The following CC2D1B variants were observed in gnomAD, a reference collection of about 807,000 sequenced individuals.
CC2D1B encodes coiled-coil and C2 domain containing 1B, also known as coiled-coil and C2 domain-containing protein 1B.
CC2D1B carries 92 observed loss-of-function variants against 110.8 expected under a neutral mutation model. The ratio of observed to expected loss-of-function variants is 0.83; its 90% CI spans 0.70 to 0.99. The LOEUF (loss-of-function observed/expected upper bound fraction) is 0.99, where lower values mean the gene tolerates loss of function less well. Among genes scored for constraint, CC2D1B ranks in the 50% least tolerant of loss-of-function variants. The probability of loss-of-function intolerance (pLI) is 0.00; values close to 1 mark genes in which losing one functional copy is unlikely to be tolerated. For synonymous variants in CC2D1B, 406 were observed against 429.2 expected (o/e 0.95, Z 0.67); for missense variants, 1,136 against 1,089.0 (o/e 1.04, Z -0.61).
intron 11 of CC2D1B, 118 bp from the exon 12 acceptor site, chr1:52,358,876 GA>G (rs1358961596): frequency 4.2e-6 from 6 of 1,423,932 alleles, no homozygotes; most frequent in Non-Finnish European, 5.7e-6. Context: ...AGCCCTGGGA[GA>G]AAAAAAGATC....
At chr1:52,364,530 C>T (rs773635756) in intron 2 of CC2D1B, 22 bp downstream of exon 2, 5 of 1,565,538 alleles carry the variant, frequency 3.2e-6, no homozygotes, top group Admixed American at 3.4e-5. Context: ...GACCCAGTAG[C>T]CTAGAAGGCT....
rs1309523591 is a variant in CC2D1B, at chr1:52,356,191, A to G, written c.2049T>C (p.Thr683=). Residue 683 remains threonine (T), a synonymous_variant, in exon 18 of 25, where the codon ACT becomes ACC. Transcript: ENST00000284376. Reference sequence around the variant, plus strand: ...GTTTCCCTAGGCCTTGGTACCTCACAGTCTGGAATGTCTTCAACTCAAAGT... The same window carrying G: ...GTTTCCCTAGGCCTTGGTACCTCACGGTCTGGAATGTCTTCAACTCAAAGT... ...THHFELKTFQ[T]VRIFSELNST... is the part of the protein sequence containing the mutation. 7.0e-7 allele frequency: 1 copy of G among 1,436,644 alleles called. No homozygotes were observed. The allele number at this position is 1,436,644 out of a possible 1,614,324, so 89.0% of individuals were successfully genotyped here. A position where few individuals can be genotyped will look rare whatever the true frequency, so the allele number is the denominator to read the frequency against.
Position 52,357,067 on chromosome 1 carries a change from C to G in CC2D1B, c.1812G>C (p.Leu604=). Residue 604 remains leucine, a synonymous_variant, in exon 16 of 25, where the codon CTG becomes CTC. Transcript: ENST00000284376. ...CCTCCTCCGCCTTCTGGGAGAGTCG[C>G]AGGTCCTCATGGTGGATGAGGATGA... ...GDFILIHHED[L]RLSQKAEEVY... The G allele has an allele frequency of 6.2e-7, 1 of 1,610,482 alleles. No homozygotes were observed. The highest frequency in any genetic ancestry group is 8.5e-7 in the Non-Finnish European group (1 of 1,178,480).
At chr1:52,360,310 C>A in intron 6 of CC2D1B, 77 bp from the exon 7 acceptor site, 1 of 1,593,696 alleles carries the variant, frequency 6.3e-7, no homozygotes, top group Non-Finnish European at 8.5e-7. Context: ...CCAGGGGTGG[C>A]CCCCCAACCC....
In CC2D1B at chr1:52,355,391, C is replaced by T. The variant is rs1188220060; in HGVS notation, c.2239+7G>A. On this transcript the variant is annotated splice_region_variant and intron_variant, in intron 21 of 24. Transcript: ENST00000284376. The stretch of plus-strand genomic sequence containing the variant: ...GGAGGAGAAAGAGGCCCACGTGTGG[C>T]CCTCACCTGGAGAGTTTGTGTTCTT... The T allele has an allele frequency of 1.2e-6, 2 of 1,613,630 alleles. No individual in the cohort carries two copies. The highest frequency in any genetic ancestry group is 2.7e-5 in the African/African-American group (2 of 75,030).
chr1:52,352,819 C>T lies in CC2D1B; in HGVS notation c.*406G>A, dbSNP rs1014498029. ...ACCCTCAGCAGGGGAGGTTCCCGAT[C>T]ACCCTCAAGTTCTCCCATCCCATAG... On this transcript the variant is annotated 3_prime_UTR_variant, in exon 25 of 25. Transcript: ENST00000284376. 6.3e-6 allele frequency: 1 copy of T among 158,800 alleles called. No homozygotes were observed. Among genetic ancestry groups the T allele is most frequent in the African/African-American group, 2.4e-5 (1 of 41,576 alleles). The allele number at this position is 158,800 out of a possible 1,614,324, so 9.8% of individuals were successfully genotyped here.
chr1:52,360,966 G>A lies in CC2D1B; in HGVS notation c.477+8C>T, dbSNP rs1646768776. 4 of 1,613,902 alleles carry A rather than the reference G, an allele frequency of 2.5e-6. No homozygotes were observed. Among genetic ancestry groups the A allele is most frequent in the South Asian group, 1.1e-5 (1 of 91,064 alleles). ...TCAGAGGCACAGGGGCCCTCCTCCA[G>A]AACCCACCTGAGCTGCTGGGGCTGA... On this transcript the variant is annotated splice_region_variant and intron_variant, in intron 5 of 24. Transcript: ENST00000284376.
At chr1:52,365,371 CTCCTCCTTCGAGGCGG>C (rs1292482452) in intron 1 of CC2D1B, among the ~76,000 whole-genome samples, 3 of 152,270 alleles carry the variant, frequency 2.0e-5, no homozygotes, top group Non-Finnish European at 4.4e-5. Context: ...GGAGAAAAGG[CTCCTCCTTCGAGGCGG>C]TGACGCCTGA....
At chr1:52,358,878 A>T (rs1174381018) in intron 11 of CC2D1B, 120 bp from the exon 12 acceptor site, 1 of 1,432,114 alleles carries the variant, frequency 7.0e-7, no homozygotes, top group Admixed American at 2.1e-5. Flanking sequence ...CCCTGGGAGA[A>T]AAAAAGATCC....
rs538987027 is a variant in CC2D1B at position 52,353,275 on chromosome 1, C to CAAAG, written c.*2-56_*2-53dup. Reference sequence around the variant, plus strand: ...GTCAGTCTAAACTGCAGTGAAAACACAAAGATTTTAGAAAGGGTTTCCTGA... The same window carrying CAAAG: ...GTCAGTCTAAACTGCAGTGAAAACACAAAGAAAGATTTTAGAAAGGGTTTCCTGA... On this transcript the variant is annotated intron_variant, in intron 24 of 24. Transcript: ENST00000284376. 145 of 1,443,424 alleles carry CAAAG rather than the reference C, an allele frequency of 1.0e-4. 2 individuals are homozygous for CAAAG. The East Asian group carries it at 1.3e-3, about 13-fold the overall frequency. The allele number at this position is 1,443,424 out of a possible 1,614,324, so 89.4% of individuals were successfully genotyped here. A position where few individuals can be genotyped will look rare whatever the true frequency, so the allele number is the denominator to read the frequency against.
chr1:52,353,249 A>C, intron 24 of CC2D1B, 26 bp from the exon 25 acceptor site: 2 of 1,404,714 alleles, frequency 1.4e-6, no homozygotes, highest in Non-Finnish European at 1.9e-6. Flanking sequence ...AAGCACAAGA[A>C]GTCAGTCTAA....
chr1:52,362,817 G>A (rs1217118900), intron 2 of CC2D1B, 71 bp from the exon 3 acceptor site: 1 of 1,535,266 alleles, frequency 6.5e-7, no homozygotes, highest in African/African-American at 1.4e-5. Flanking sequence ...AGCCAGACTT[G>A]GGGCTCTCCA....
Position 52,356,166 on chromosome 1 carries a change from G to C in CC2D1B, c.2054+20C>G, listed in dbSNP as rs2147890527. On this transcript the variant is annotated intron_variant, in intron 18 of 24. Coordinates refer to ENST00000284376, the MANE Select transcript of CC2D1B (RefSeq NM_001330585.2). Reference sequence around the variant, plus strand: ...CTGCCCCTCCCTGCCTGGAGCCCCTGTTTCCCTAGGCCTTGGTACCTCACA... The same window carrying C: ...CTGCCCCTCCCTGCCTGGAGCCCCTCTTTCCCTAGGCCTTGGTACCTCACA... The C allele has an allele frequency of 6.5e-7, 1 of 1,539,808 alleles. No homozygotes were observed. The highest frequency in any genetic ancestry group is 1.1e-5 in the South Asian group (1 of 89,964).
rs370246173 is a variant in CC2D1B at position 52,357,537 on chromosome 1, C to G, written c.1741G>C (p.Asp581His). ...IIQARSGRPV[D>H]LSKVPSPLTD... is the part of the protein sequence containing the mutation. ...CAGGTGGGACTCACCTTGGACAGAT[C>G]AACAGGTCTGCCAGATCGGGCCTGG... Residue 581 changes from aspartate to histidine, a missense_variant, in exon 15 of 25, where the codon GAT becomes CAT. Asp to His is a moderately conservative substitution (Grantham distance 81). Coordinates refer to ENST00000284376, the MANE Select transcript of CC2D1B (RefSeq NM_001330585.2). 1.3e-6 allele frequency: 2 copies of G among 1,577,398 alleles called. No individual in the cohort carries two copies. Among genetic ancestry groups the G allele is most frequent in the Non-Finnish European group, 1.7e-6 (2 of 1,160,042 alleles).
intron 3 of CC2D1B, among the ~76,000 whole-genome samples, chr1:52,362,250 G>A (rs1318932479): frequency 1.3e-5 from 2 of 152,212 alleles, no homozygotes; most frequent in African/African-American, 2.4e-5. Context: ...CTGGGCTGTG[G>A]AGGGAGATTC....
intron 2 of CC2D1B, among the ~76,000 whole-genome samples, chr1:52,363,600 C>T (rs562034866): frequency 6.6e-6 from 1 of 152,068 alleles, no homozygotes; most frequent in South Asian, 2.1e-4. Flanking sequence ...ATTAACCCCC[C>T]TTCCTCCCCT....
At position 52,358,695 on chromosome 1, in the gene CC2D1B, C is replaced by G; in HGVS notation, c.1321G>C (p.Val441Leu). 6.2e-7 allele frequency: 1 copy of G among 1,613,212 alleles called. No homozygotes were observed. Among genetic ancestry groups the G allele is most frequent in the Non-Finnish European group, 8.5e-7 (1 of 1,179,748 alleles). Reference sequence around the variant, plus strand: ...GCCATGCCCCACTTACCTGGAGGAACAGGCAATTCAGCAAAGTTGACTTTC... The same window carrying G: ...GCCATGCCCCACTTACCTGGAGGAAGAGGCAATTCAGCAAAGTTGACTTTC... ...GRKVNFAELP[V>L]PPGFPPIPGL... The change falls in exon 12 of 25, where the codon GTT (valine) becomes CTT (leucine). Residue 441 changes from valine (V) to leucine (L), a missense_variant. Val to Leu is a conservative substitution (Grantham distance 32). Coordinates refer to ENST00000284376, the MANE Select transcript of CC2D1B (RefSeq NM_001330585.2).
Position 52,353,190 on chromosome 1 carries a change from G to A in CC2D1B, c.*35C>T, listed in dbSNP as rs113603878. 4.1e-5 allele frequency: 54 copies of A among 1,330,372 alleles called. No homozygotes were observed. The highest frequency in any genetic ancestry group is 3.7e-4 in the South Asian group (30 of 81,256). The allele number at this position is 1,330,372 out of a possible 1,614,324, so 82.4% of individuals were successfully genotyped here. On this transcript the variant is annotated 3_prime_UTR_variant, in exon 25 of 25. Transcript: ENST00000284376. ...TGGGAAAGTCATCTCCTGCACAGTCGCGGCCTGACTCCTCTCCTGGTGCTG... is the reference window on the plus strand; with the variant it reads ...TGGGAAAGTCATCTCCTGCACAGTCACGGCCTGACTCCTCTCCTGGTGCTG...
Position 52,359,760 on chromosome 1 carries a change from CTGA to C in CC2D1B, c.884_886del (p.Leu295_Ser296delinsArg). On this transcript the variant is annotated inframe_deletion, in exon 8 of 25. Transcript: ENST00000284376. Reference sequence around the variant, plus strand: ...GTCTAGCTCTCCAGCCCGCTTGGCACTGAGGGCAGCCACTTTGTACTCTCTCTG... The same window carrying C: ...GTCTAGCTCTCCAGCCCGCTTGGCACGGGCAGCCACTTTGTACTCTCTCTG... The C allele has an allele frequency of 6.2e-7, 1 of 1,610,862 alleles. No homozygotes were observed. The highest frequency in any genetic ancestry group is 8.5e-7 in the Non-Finnish European group (1 of 1,178,670).
Sources: gnomAD v4.1 joint callset for allele counts (sites outside exome capture counted in the v4.1 genomes callset) on GRCh38, gnomAD v4.1.1 for gene constraint, MANE v1.5 for transcripts, NCBI Gene and HGNC (gene_info 2026-07-23, HGNC 2026-07-21) for gene names.